CIMIP6: variants seen among roughly 807,000 people sequenced by gnomAD.
CIMIP6 encodes ciliary microtubule inner protein 6, also known as uncharacterized protein C2orf73.
chr2:54,360,295 A>T, the CIMIP6 span: 2 of 1,612,274 alleles, frequency 1.2e-6, no homozygotes, highest in South Asian at 2.2e-5. Context: ...CTCCAGGGTC[A>T]CGTTCATCAG....
the CIMIP6 span, among the ~76,000 whole-genome samples, chr2:54,366,201 G>C: frequency 2.6e-5 from 4 of 152,164 alleles, no homozygotes; most frequent in African/African-American, 2.4e-5. Flanking sequence ...AGCAGCATGT[G>C]CAACTTCTAA....
the CIMIP6 span, among the ~76,000 whole-genome samples, chr2:54,362,933 A>G: frequency 6.6e-6 from 1 of 152,186 alleles, no homozygotes; most frequent in Non-Finnish European, 1.5e-5. Flanking sequence ...AGCCTTGTCT[A>G]TTGGTATGCC....
the CIMIP6 span, among the ~76,000 whole-genome samples, chr2:54,377,956 C>T: frequency 1.3e-5 from 2 of 152,180 alleles, no homozygotes; most frequent in African/African-American, 2.4e-5. Flanking sequence ...GGTTGACATA[C>T]GTGAAACACC....
At chr2:54,366,574 C>G in the CIMIP6 span, among the ~76,000 whole-genome samples, 1 of 151,968 alleles carries the variant, frequency 6.6e-6, no homozygotes, top group Non-Finnish European at 1.5e-5. Context: ...CAGACATAGA[C>G]GCATAATAGT....
the CIMIP6 span, chr2:54,383,456 G>A: frequency 6.6e-6 from 1 of 152,188 alleles, no homozygotes; most frequent in Non-Finnish European, 1.5e-5. Flanking sequence ...TTGTGTTGAA[G>A]TGAATGAAGC....
the CIMIP6 span, among the ~76,000 whole-genome samples, chr2:54,380,954 C>T: frequency 6.6e-6 from 1 of 152,178 alleles, no homozygotes; most frequent in African/African-American, 2.4e-5. Context: ...GCCGAAACGC[C>T]TTGGGTGCCT....
the CIMIP6 span, among the ~76,000 whole-genome samples, chr2:54,345,176 T>C: frequency 1.3e-5 from 2 of 152,256 alleles, no homozygotes; most frequent in South Asian, 4.2e-4. Flanking sequence ...AGCATACAAA[T>C]TTATTTAATA....
the CIMIP6 span, among the ~76,000 whole-genome samples, chr2:54,382,324 T>G: frequency 2.0e-5 from 3 of 152,240 alleles, no homozygotes; most frequent in Non-Finnish European, 4.4e-5. Flanking sequence ...TGTTTACTTA[T>G]GAAAATCATT....
chr2:54,343,284 G>T, the CIMIP6 span, among the ~76,000 whole-genome samples: 1 of 152,118 alleles, frequency 6.6e-6, no homozygotes, highest in Non-Finnish European at 1.5e-5. Flanking sequence ...CATGGTTCAG[G>T]CTAGGGACTA....
the CIMIP6 span, among the ~76,000 whole-genome samples, chr2:54,336,626 T>A: frequency 6.6e-6 from 1 of 152,226 alleles, no homozygotes; most frequent in East Asian, 1.9e-4. Context: ...AATCCTGTCC[T>A]TACATAGCTT....
chr2:54,358,708 G>T, the CIMIP6 span, among the ~76,000 whole-genome samples: 1 of 152,104 alleles, frequency 6.6e-6, no homozygotes, highest in Non-Finnish European at 1.5e-5. Context: ...CCATATTGTT[G>T]TATTAATATT....
the CIMIP6 span, among the ~76,000 whole-genome samples, chr2:54,378,802 A>G: frequency 2.0e-5 from 3 of 152,208 alleles, no homozygotes; most frequent in Non-Finnish European, 4.4e-5. Flanking sequence ...AGCTCAAATA[A>G]GCCTCTTTGG....
At chr2:54,382,081 G>A in the CIMIP6 span, 1 of 1,369,466 alleles carries the variant, frequency 7.3e-7, no homozygotes, top group Non-Finnish European at 9.5e-7. Flanking sequence ...ACTTAATAAA[G>A]TCAGTCTGAT....
At chr2:54,359,802 G>A in the CIMIP6 span, among the ~76,000 whole-genome samples, 2 of 152,050 alleles carry the variant, frequency 1.3e-5, no homozygotes, top group Admixed American at 1.3e-4. Flanking sequence ...TTTCATCAGC[G>A]TTAATAGGCA....
the CIMIP6 span, chr2:54,361,298 G>T: frequency 6.6e-6 from 1 of 152,122 alleles, no homozygotes; most frequent in Non-Finnish European, 1.5e-5. Context: ...ATTTTACTCA[G>T]ATCATTTCTA....
the CIMIP6 span, among the ~76,000 whole-genome samples, chr2:54,381,256 T>A: frequency 1.3e-5 from 2 of 152,180 alleles, no homozygotes; most frequent in South Asian, 4.1e-4. Context: ...TACCAACCTC[T>A]ATGCCTTTGT....
At chr2:54,345,031 A>G in the CIMIP6 span, among the ~76,000 whole-genome samples, 2 of 152,212 alleles carry the variant, frequency 1.3e-5, no homozygotes, top group Non-Finnish European at 2.9e-5. Flanking sequence ...TCTATGCAAT[A>G]TAATAGTGTA....
chr2:54,373,281 G>A, the CIMIP6 span, among the ~76,000 whole-genome samples: 3 of 152,118 alleles, frequency 2.0e-5, no homozygotes, highest in South Asian at 4.2e-4. Context: ...GGAACCTGCC[G>A]CGCATGCTTG....
At chr2:54,375,447 C>T in the CIMIP6 span, among the ~76,000 whole-genome samples, 1 of 152,016 alleles carries the variant, frequency 6.6e-6, no homozygotes, top group Admixed American at 6.6e-5. Context: ...TGGGTAAAAA[C>T]TGAAAAGATT....
Sources: allele counts gnomAD v4.1 joint callset (sites outside exome capture counted in the v4.1 genomes callset), GRCh38; gene constraint gnomAD v4.1.1; transcripts MANE v1.5; gene names NCBI Gene and HGNC (gene_info 2026-07-23, HGNC 2026-07-21).